Variants in CSMD3 observed in about 807,000 individuals in gnomAD.
The protein encoded by CSMD3 is CUB and sushi domain-containing protein 3.
Under a neutral mutation model 435.2 loss-of-function variants are expected in CSMD3, and 177 were observed. The ratio of observed to expected loss-of-function variants is 0.41; its 90% CI spans 0.36 to 0.46. The LOEUF (loss-of-function observed/expected upper bound fraction) is 0.46, where lower values mean the gene tolerates loss of function less well. CSMD3 is among the 20% of genes least tolerant of loss of function. The pLI, the probability that CSMD3 is intolerant of heterozygous loss-of-function variation, is 0.34. For missense variants in CSMD3, 4,265 were observed against 4,504.6 expected (o/e 0.95, Z 1.52); for synonymous variants, 1,656 against 1,520.5 (o/e 1.09, Z -2.07).
chr8:112,799,873 T>C (rs2132327784), intron 13 of CSMD3, among the ~76,000 whole-genome samples: 1 of 152,058 alleles, frequency 6.6e-6, no homozygotes, highest in Middle Eastern at 3.4e-3. Context: ...ATCACATGTC[T>C]ATTTTGGGGA....
chr8:112,568,313 G>C (rs1488802123), intron 24 of CSMD3, among the ~76,000 whole-genome samples: 1 of 151,880 alleles, frequency 6.6e-6, no homozygotes, highest in Admixed American at 6.6e-5. Flanking sequence ...AAGGAATGGG[G>C]CTGGCATGGT....
chr8:112,934,836 T>C (rs1467903872), intron 9 of CSMD3, among the ~76,000 whole-genome samples: 1 of 152,148 alleles, frequency 6.6e-6, no homozygotes, highest in Non-Finnish European at 1.5e-5. Context: ...AGATGTATAG[T>C]GTGCAAATGT....
intron 32 of CSMD3, among the ~76,000 whole-genome samples, chr8:112,417,625 C>T (rs756873338): frequency 9.2e-5 from 14 of 152,040 alleles, no homozygotes; most frequent in Non-Finnish European, 1.2e-4. Flanking sequence ...CTATTTTAAT[C>T]AAGCTTAGTT....
intron 55 of CSMD3, 36 bp downstream of exon 55, chr8:112,292,501 T>G: frequency 6.2e-7 from 1 of 1,601,142 alleles, no homozygotes; most frequent in Non-Finnish European, 8.6e-7. Context: ...AATATTATTA[T>G]CATGCCACCA....
chr8:112,371,927 A>T (rs2131183889), intron 38 of CSMD3, among the ~76,000 whole-genome samples: 1 of 152,084 alleles, frequency 6.6e-6, no homozygotes, highest in East Asian at 1.9e-4. Context: ...AAACAAAACA[A>T]AAATACACAC....
intron 3 of CSMD3, among the ~76,000 whole-genome samples, chr8:113,241,419 C>G (rs1174740906): frequency 6.6e-6 from 1 of 151,864 alleles, no homozygotes; most frequent in Admixed American, 6.6e-5. Context: ...ATAACAATAG[C>G]TATGCCTACG....
Position 112,289,353 on chromosome 8 carries a change from T to C in CSMD3, c.9148+12A>G, listed in dbSNP as rs1819535450. On this transcript the variant is annotated intron_variant, in intron 57 of 70. Transcript: ENST00000297405. ...ATTTCCAACACATATTGTCCAATTTTCCAAGTGGTACCTGAACAATGAGGT... is the reference window on the plus strand; with the variant it reads ...ATTTCCAACACATATTGTCCAATTTCCCAAGTGGTACCTGAACAATGAGGT... 1.2e-6 allele frequency: 2 copies of C among 1,610,966 alleles called. No homozygotes were observed. The highest frequency in any genetic ancestry group is 2.2e-5 in the South Asian group (2 of 91,038).
At chr8:112,860,197 A>G (rs2080786564) in intron 10 of CSMD3, among the ~76,000 whole-genome samples, 1 of 151,672 alleles carries the variant, frequency 6.6e-6, no homozygotes, top group Non-Finnish European at 1.5e-5. Flanking sequence ...CTTGTTTTTT[A>G]CATCACTAAA....
At chr8:113,024,912 A>T (rs2086817771) in intron 5 of CSMD3, among the ~76,000 whole-genome samples, 1 of 152,166 alleles carries the variant, frequency 6.6e-6, no homozygotes, top group Non-Finnish European at 1.5e-5. Context: ...TCCATTGTCT[A>T]TCATTCCACG....
chr8:112,537,761 C>T (rs551342250), intron 27 of CSMD3, among the ~76,000 whole-genome samples: 1 of 151,714 alleles, frequency 6.6e-6, no homozygotes, highest in African/African-American at 2.4e-5. Context: ...ATAAAAAACT[C>T]AGGAACGAAT....
intron 32 of CSMD3, among the ~76,000 whole-genome samples, chr8:112,423,672 T>C (rs1031229391): frequency 3.3e-5 from 5 of 152,138 alleles, no homozygotes; most frequent in African/African-American, 1.2e-4. Flanking sequence ...CTCGAACTTC[T>C]GGGCTCAGGC....
intron 32 of CSMD3, among the ~76,000 whole-genome samples, chr8:112,460,400 T>G (rs1042206137): frequency 6.6e-6 from 1 of 151,858 alleles, no homozygotes; most frequent in Admixed American, 6.6e-5. Context: ...CAGCATGAAG[T>G]TTCCATACCC....
chr8:112,399,648 C>T (rs1437753480), intron 35 of CSMD3, among the ~76,000 whole-genome samples: 1 of 152,126 alleles, frequency 6.6e-6, no homozygotes, highest in Non-Finnish European at 1.5e-5. Flanking sequence ...GATATTTTCT[C>T]AGCCAAATAT....
intron 13 of CSMD3, among the ~76,000 whole-genome samples, chr8:112,728,041 T>G (rs899140401): frequency 6.6e-6 from 1 of 151,976 alleles, no homozygotes; most frequent in Non-Finnish European, 1.5e-5. Flanking sequence ...ATTTTCTTGT[T>G]GTTTATCATA....
At chr8:112,246,891 A>G in intron 64 of CSMD3, 129 bp downstream of exon 64, 1 of 729,470 alleles carries the variant, frequency 1.4e-6, no homozygotes, top group Non-Finnish European at 2.4e-6. Flanking sequence ...TTATATGCAT[A>G]TAATATGTTT....
intron 5 of CSMD3, among the ~76,000 whole-genome samples, chr8:113,033,929 G>A (rs1454769471): frequency 6.6e-6 from 1 of 151,278 alleles, no homozygotes; most frequent in Non-Finnish European, 1.5e-5. Context: ...GTTCTCAGGA[G>A]ATCTGATAGT....
At chr8:113,383,693 T>A (rs758007928) in intron 1 of CSMD3, among the ~76,000 whole-genome samples, 1 of 152,204 alleles carries the variant, frequency 6.6e-6, no homozygotes, top group Non-Finnish European at 1.5e-5. Context: ...CTTCTGGTAA[T>A]TGACTTTTGA....
chr8:112,829,721 C>T lies in CSMD3; in HGVS notation c.1824G>A (p.Gly608=). 1 of 1,613,146 alleles carries T rather than the reference C, an allele frequency of 6.2e-7. No homozygotes were observed. The highest frequency in any genetic ancestry group is 8.5e-7 in the Non-Finnish European group (1 of 1,179,322). ...IGYDTLTIGD[G]GEVGDPRTVL... is the part of the protein sequence containing the mutation. ...CTGTCCTAGGATCTCCAACTTCGCC[C>T]CCATCGCCAATTGTCAAGGTATCAT... The change falls in exon 12 of 71, where the codon GGG becomes GGA. Residue 608 remains glycine (G), a synonymous_variant. Transcript: ENST00000297405.
intron 13 of CSMD3, among the ~76,000 whole-genome samples, chr8:112,692,971 ATCG>A: frequency 6.8e-6 from 1 of 147,900 alleles, no homozygotes; most frequent in Non-Finnish European, 1.5e-5. Context: ...CTATCTATCT[ATCG>A]AGAGAAAATA....
Sources: allele counts gnomAD v4.1 joint callset (sites outside exome capture counted in the v4.1 genomes callset), GRCh38; gene constraint gnomAD v4.1.1; transcripts MANE v1.5; gene names NCBI Gene and HGNC (gene_info 2026-07-23, HGNC 2026-07-21).